Variants in SPTLC1 observed in about 807,000 individuals in gnomAD.
SPTLC1 encodes serine palmitoyltransferase 1.
SPTLC1 carries 55 observed loss-of-function variants against 68.9 expected under a neutral mutation model. The observed-to-expected ratio is 0.80, with a 90% CI of 0.64 to 1.00. SPTLC1 has a LOEUF of 1.00. Ranked by LOEUF, SPTLC1 falls within the 50% of genes least tolerant of loss-of-function variation. The pLI is 0.00. For synonymous variants in SPTLC1, 197 were observed against 201.6 expected, an observed-to-expected ratio of 0.98 and a Z score of 0.19; for missense variants, 449 against 573.1, an observed-to-expected ratio of 0.78 and a Z score of 2.21.
chr9:92,049,434 G>C (rs182226678), intron 9 of SPTLC1, among the ~76,000 whole-genome samples: 1 of 152,200 alleles, frequency 6.6e-6, no homozygotes, highest in Non-Finnish European at 1.5e-5. Context: ...ACCTCATTCT[G>C]TTTGGGACTT....
At chr9:92,097,990 T>C (rs557612819) in intron 3 of SPTLC1, among the ~76,000 whole-genome samples, 3 of 152,318 alleles carry the variant, frequency 2.0e-5, no homozygotes, top group Non-Finnish European at 2.9e-5. Flanking sequence ...TAAATAGGTA[T>C]TGCATAAATT....
At chr9:92,106,732 T>C (rs1258616747) in intron 3 of SPTLC1, among the ~76,000 whole-genome samples, 2 of 152,134 alleles carry the variant, frequency 1.3e-5, no homozygotes, top group Non-Finnish European at 2.9e-5. Context: ...CCCACTGACC[T>C]TGCCCCCATT....
At chr9:92,086,923 T>C (rs1407199181) in intron 3 of SPTLC1, among the ~76,000 whole-genome samples, 1 of 152,260 alleles carries the variant, frequency 6.6e-6, no homozygotes, top group Admixed American at 6.5e-5. Context: ...CCCATATTTC[T>C]TGGAGGCTTT....
chr9:92,080,172 G>A, intron 4 of SPTLC1, 84 bp from the exon 5 acceptor site: 1 of 1,122,960 alleles, frequency 8.9e-7, no homozygotes, highest in Admixed American at 1.8e-5. Context: ...AACCCACAGA[G>A]CTCCTTCCTT....
At chr9:92,054,982 T>C (rs1323114712) in intron 8 of SPTLC1, among the ~76,000 whole-genome samples, 1 of 152,016 alleles carries the variant, frequency 6.6e-6, no homozygotes, top group Non-Finnish European at 1.5e-5. Context: ...ACCAGCACTT[T>C]GGCAGGCTGA....
chr9:92,092,576 T>C (rs1161133575), intron 3 of SPTLC1, among the ~76,000 whole-genome samples: 2 of 151,834 alleles, frequency 1.3e-5, no homozygotes, highest in Non-Finnish European at 2.9e-5. Flanking sequence ...TAAAAAATAA[T>C]AATAATAAAT....
Position 92,115,403 on chromosome 9 carries a change from A to G in SPTLC1, c.-33T>C, listed in dbSNP as rs1836418734. 6.2e-7 allele frequency: 1 copy of G among 1,610,568 alleles called. No individual in the cohort carries two copies. The highest frequency in any genetic ancestry group is 1.1e-5 in the South Asian group (1 of 91,040). On this transcript the variant is annotated 5_prime_UTR_variant, in exon 1 of 15. Transcript: ENST00000262554. ...CGCTTCCTTCCGGAAGGCGGGTCACAAGCGCGTCCCAAAAGTGCGCGTCGC... is the reference window on the plus strand; with the variant it reads ...CGCTTCCTTCCGGAAGGCGGGTCACGAGCGCGTCCCAAAAGTGCGCGTCGC...
In SPTLC1 at chr9:92,032,187, A is replaced by T; in HGVS notation, c.*278T>A. ...AAAATACTAGTATAAGAAAACATTT[A>T]AATAGTACTAAATGCACAATTTAAA... On this transcript the variant is annotated 3_prime_UTR_variant, in exon 15 of 15. Transcript: ENST00000262554. 1.7e-6 allele frequency: 2 copies of T among 1,159,356 alleles called. No homozygotes were observed. The highest frequency in any genetic ancestry group is 1.6e-5 in the South Asian group (1 of 61,320). 71.8% of individuals were successfully genotyped at this position (1,159,356 alleles called of 1,614,324 possible).
chr9:92,047,188 G>A lies in SPTLC1; in HGVS notation c.1065C>T (p.Ile355=). The stretch of plus-strand genomic sequence containing the variant: ...GGGTTATACCTGGATTCTCTTCCAT[G>A]ATGTTGAGGGCCTCAATTGCTGCAG... ...LAAAAIEALN[I]MEENPGIFAV... The change falls in exon 11 of 15, where the codon ATC becomes ATT. Residue 355 remains isoleucine, a synonymous_variant. Coordinates refer to ENST00000262554, the MANE Select transcript of SPTLC1 (RefSeq NM_006415.4). The A allele has an allele frequency of 6.2e-7, 1 of 1,613,788 alleles. No homozygotes were observed. The highest frequency in any genetic ancestry group is 8.5e-7 in the Non-Finnish European group (1 of 1,179,676).
chr9:92,078,607 C>T (rs927070737), intron 5 of SPTLC1, among the ~76,000 whole-genome samples: 4 of 152,192 alleles, frequency 2.6e-5, no homozygotes, highest in African/African-American at 7.2e-5. Flanking sequence ...TACAGGTTCA[C>T]GCTAGTGCCA....
chr9:92,090,622 C>A (rs201630760), intron 3 of SPTLC1, among the ~76,000 whole-genome samples: 5,162 of 93,730 alleles, frequency 0.055, 317 homozygotes, highest in African/African-American at 0.28. Context: ...AAAAAACAAA[C>A]AAAAAAAAAT....
intron 5 of SPTLC1, among the ~76,000 whole-genome samples, chr9:92,072,418 T>A (rs1002524082): frequency 7.9e-5 from 12 of 152,168 alleles, no homozygotes; most frequent in Non-Finnish European, 1.6e-4. Flanking sequence ...CTTCCCTCAG[T>A]GTTTGGTGAA....
intron 3 of SPTLC1, among the ~76,000 whole-genome samples, chr9:92,094,548 T>G (rs891550696): frequency 2.6e-5 from 4 of 152,224 alleles, no homozygotes; most frequent in African/African-American, 9.6e-5. Flanking sequence ...CTCTTGGCAG[T>G]GTCTTGGCAT....
At chr9:92,056,528 G>A (rs537117902) in intron 7 of SPTLC1, among the ~76,000 whole-genome samples, 19 of 152,122 alleles carry the variant, frequency 1.2e-4, no homozygotes, top group African/African-American at 4.1e-4. Context: ...GCCCGGCAGA[G>A]ATCTTTTCAA....
intron 7 of SPTLC1, among the ~76,000 whole-genome samples, chr9:92,057,866 A>G (rs1247450327): frequency 1.3e-5 from 2 of 152,228 alleles, no homozygotes; most frequent in Non-Finnish European, 2.9e-5. Flanking sequence ...AGTAGAAATA[A>G]GTTTCAAGAT....
chr9:92,106,066 C>A (rs1053143513), intron 3 of SPTLC1, among the ~76,000 whole-genome samples: 3 of 147,694 alleles, frequency 2.0e-5, no homozygotes, highest in Admixed American at 2.0e-4. Context: ...AAGGGAGGAG[C>A]GCCTCTGCCC....
In SPTLC1 at chr9:92,067,951, G is replaced by A. The variant is rs757141116; in HGVS notation, c.560+15C>T. 2.7e-5 allele frequency: 43 copies of A among 1,612,632 alleles called. No homozygotes were observed. The highest frequency in any genetic ancestry group is 6.7e-5 in the East Asian group (3 of 44,832). ...AAAGGAACTGCTATTAGAAAACTAC[G>A]TAAAGTTTACTTACACAAAAACAAT... On this transcript the variant is annotated intron_variant, in intron 6 of 14. Coordinates refer to ENST00000262554, the MANE Select transcript of SPTLC1 (RefSeq NM_006415.4).
chr9:92,087,656 G>T (rs547405467), intron 3 of SPTLC1, among the ~76,000 whole-genome samples: 24 of 152,140 alleles, frequency 1.6e-4, no homozygotes, highest in Non-Finnish European at 3.4e-4. Flanking sequence ...TGCCCCTACT[G>T]GGGGGTGCCT....
chr9:92,049,547 T>A (rs1225215952), intron 9 of SPTLC1, among the ~76,000 whole-genome samples: 4 of 152,098 alleles, frequency 2.6e-5, no homozygotes, highest in African/African-American at 7.2e-5. Context: ...CACAAACACA[T>A]TATATAGAAT....
Sources: gnomAD v4.1 joint callset for allele counts (sites outside exome capture counted in the v4.1 genomes callset) on GRCh38, gnomAD v4.1.1 for gene constraint, MANE v1.5 for transcripts, NCBI Gene and HGNC (gene_info 2026-07-23, HGNC 2026-07-21) for gene names.